The following MON2 variants were observed in gnomAD, a reference collection of about 807,000 sequenced individuals.
The protein encoded by MON2 is protein MON2 homolog.
In MON2, 84 loss-of-function variants were observed where a neutral mutation model predicts 208.6. The observed-to-expected ratio is 0.40, with a 90% CI of 0.34 to 0.48. MON2 has a LOEUF of 0.48. Ranked by LOEUF, MON2 falls within the 20% of genes least tolerant of loss-of-function variation. The probability of loss-of-function intolerance (pLI) is 0.59; values close to 1 mark genes in which losing one functional copy is unlikely to be tolerated. For missense variants in MON2, 1,611 were observed against 2,015.4 expected, an observed-to-expected ratio of 0.80 and a Z score of 3.84; for synonymous variants, 660 against 694.0, an observed-to-expected ratio of 0.95 and a Z score of 0.77.
chr12:62,486,514 A>G (rs2069805493), intron 2 of MON2, among the ~76,000 whole-genome samples: 1 of 152,148 alleles, frequency 6.6e-6, no homozygotes, highest in Non-Finnish European at 1.5e-5. Flanking sequence ...TTGAGGAGGT[A>G]TATTTGCACT....
At chr12:62,494,274 T>C (rs1192875209) in intron 3 of MON2, among the ~76,000 whole-genome samples, 3 of 152,224 alleles carry the variant, frequency 2.0e-5, no homozygotes, top group Non-Finnish European at 4.4e-5. Flanking sequence ...GTAATGTAGA[T>C]GAAAATTTTG....
intron 30 of MON2, among the ~76,000 whole-genome samples, chr12:62,574,570 G>A (rs1324772533): frequency 6.6e-6 from 1 of 151,968 alleles, no homozygotes; most frequent in Non-Finnish European, 1.5e-5. Flanking sequence ...GTAGAGATGG[G>A]ATTTTGCCAT....
intron 19 of MON2, among the ~76,000 whole-genome samples, chr12:62,540,963 A>G (rs147939244): frequency 1.3e-3 from 200 of 152,324 alleles, no homozygotes; most frequent in African/African-American, 4.5e-3. Context: ...TGAGTGAGTT[A>G]AATATTCTAG....
chr12:62,510,850 A>T lies in MON2; in HGVS notation c.984+2370A>T, dbSNP rs573259066. Among the ~76,000 whole-genome samples the T allele has an allele frequency of 2.6e-5, 4 of 152,204 alleles. No individual in the cohort carries two copies. The East Asian group carries it at 7.7e-4, about 29-fold the overall frequency. On this transcript the variant is annotated intron_variant, in intron 8 of 34. Transcript: ENST00000393630. ...TCCACATTGGAAAGGAAGAAGTAACATTATCTCTGTTTGCTAATGTATGTT... is the reference window on the plus strand; with the variant it reads ...TCCACATTGGAAAGGAAGAAGTAACTTTATCTCTGTTTGCTAATGTATGTT...
At chr12:62,531,319 C>T (rs2072632052) in intron 11 of MON2, among the ~76,000 whole-genome samples, 1 of 151,862 alleles carries the variant, frequency 6.6e-6, no homozygotes, top group Non-Finnish European at 1.5e-5. Flanking sequence ...AGATTTTTAC[C>T]CATGTTTTCT....
At chr12:62,476,465 C>A (rs796787133) in intron 1 of MON2, among the ~76,000 whole-genome samples, 1 of 150,230 alleles carries the variant, frequency 6.7e-6, no homozygotes, top group African/African-American at 2.5e-5. Flanking sequence ...GGCAGAGTCT[C>A]GCTCCATTGC....
At chr12:62,509,026 A>G (rs1461969308) in intron 8 of MON2, 1 of 152,172 alleles carries the variant, frequency 6.6e-6, no homozygotes, top group Non-Finnish European at 1.5e-5. Flanking sequence ...ACTGTTTCTC[A>G]GAAAAAATAA....
chr12:62,575,087 C>T (rs1654625332), intron 30 of MON2, among the ~76,000 whole-genome samples: 1 of 152,056 alleles, frequency 6.6e-6, no homozygotes, highest in Non-Finnish European at 1.5e-5. Context: ...GACTGTGCCA[C>T]TGCACTCCAG....
chr12:62,562,342 A>T (rs1442792799), intron 26 of MON2, among the ~76,000 whole-genome samples: 2 of 151,842 alleles, frequency 1.3e-5, no homozygotes, highest in East Asian at 1.9e-4. Flanking sequence ...TTTTATTTTT[A>T]AAAAACTCTG....
At chr12:62,545,305 T>C (rs976708235) in intron 21 of MON2, among the ~76,000 whole-genome samples, 7 of 151,944 alleles carry the variant, frequency 4.6e-5, no homozygotes, top group African/African-American at 1.7e-4. Context: ...TTGGAGCCTC[T>C]TTTGCTTTGG....
intron 32 of MON2, among the ~76,000 whole-genome samples, chr12:62,580,994 A>G (rs1196341568): frequency 1.3e-5 from 2 of 152,212 alleles, no homozygotes; most frequent in Non-Finnish European, 2.9e-5. Context: ...TATGTACAAG[A>G]TACTATGCTA....
intron 30 of MON2, among the ~76,000 whole-genome samples, chr12:62,576,976 TATAG>T (rs2074814122): frequency 6.6e-6 from 1 of 151,776 alleles, no homozygotes; most frequent in Admixed American, 6.6e-5. Flanking sequence ...ACACTAATAA[TATAG>T]AAATATACAC....
intron 24 of MON2, among the ~76,000 whole-genome samples, chr12:62,554,987 A>G (rs1246419): frequency 1.6e-4 from 24 of 151,636 alleles, no homozygotes; most frequent in Non-Finnish European, 2.7e-4. Flanking sequence ...TAGTAGAGAC[A>G]GGGTTTCACT....
At chr12:62,535,079 T>C (rs2072904880) in intron 13 of MON2, among the ~76,000 whole-genome samples, 153 bp downstream of exon 13, 2 of 152,196 alleles carry the variant, frequency 1.3e-5, no homozygotes, top group South Asian at 4.1e-4. Flanking sequence ...CCCTTCCTCA[T>C]TCTGTCCTTG....
chr12:62,592,851 G>T lies in MON2; in HGVS notation c.*102G>T. The T allele has an allele frequency of 8.1e-7, 1 of 1,235,906 alleles. No homozygotes were observed. The highest frequency in any genetic ancestry group is 1.1e-6 in the Non-Finnish European group (1 of 906,290). The allele number at this position is 1,235,906 out of a possible 1,614,324, so 76.6% of individuals were successfully genotyped here. A position where few individuals can be genotyped will look rare whatever the true frequency, so the allele number is the denominator to read the frequency against. On this transcript the variant is annotated 3_prime_UTR_variant, in exon 35 of 35. Coordinates refer to ENST00000393630, the MANE Select transcript of MON2 (RefSeq NM_015026.3). ...CATTTCTTACTGCAGATAATTCTTG[G>T]CAGCTGTTGTTGGCCTCCTTTAAAT...
intron 23 of MON2, among the ~76,000 whole-genome samples, chr12:62,551,132 A>C (rs1253996167): frequency 6.6e-6 from 1 of 151,890 alleles, no homozygotes; most frequent in Non-Finnish European, 1.5e-5. Context: ...TTCCTTCAAG[A>C]ACTTATCCTG....
intron 1 of MON2, among the ~76,000 whole-genome samples, chr12:62,468,253 C>T (rs916544613): frequency 6.6e-6 from 1 of 151,824 alleles, no homozygotes; most frequent in Admixed American, 6.6e-5. Flanking sequence ...TCAGGCGGGT[C>T]TCGAACTCCC....
intron 8 of MON2, among the ~76,000 whole-genome samples, chr12:62,522,282 T>C (rs1426891762): frequency 5.3e-5 from 8 of 152,214 alleles, no homozygotes. Flanking sequence ...TTGTCCAAAC[T>C]AATTTTCTAC....
In MON2 at chr12:62,560,728, G is replaced by C. The variant is rs555507781; in HGVS notation, c.3647G>C (p.Gly1216Ala). The C allele has an allele frequency of 1.9e-6, 3 of 1,614,096 alleles. No homozygotes were observed. ...CCATTTGTAAGAACAGATTCCATTG[G>C]AGAAAAACTAGGAAGATATAGTAGC... is the stretch of plus-strand genomic sequence containing the variant. ...SRPFVRTDSI[G>A]EKLGRYSSSE... is the part of the protein sequence containing the mutation. Residue 1216 changes from glycine to alanine, a missense_variant, in exon 26 of 35, where the codon GGA (glycine) becomes GCA (alanine). By Grantham distance (60) the Gly-to-Ala change is moderately conservative. Transcript: ENST00000393630.
Sources: allele counts gnomAD v4.1 joint callset (sites outside exome capture counted in the v4.1 genomes callset), GRCh38; gene constraint gnomAD v4.1.1; transcripts MANE v1.5; gene names NCBI Gene and HGNC (gene_info 2026-07-23, HGNC 2026-07-21).